Variants in CLIP4 observed in about 807,000 individuals in gnomAD.
CLIP4 encodes CAP-Gly domain-containing linker protein 4.
A neutral mutation model predicts 73.1 loss-of-function variants in CLIP4; 47 were observed. The observed-to-expected ratio is 0.64, with a 90% confidence interval of 0.51 to 0.82. The LOEUF (loss-of-function observed/expected upper bound fraction) is 0.82, where lower values mean the gene tolerates loss of function less well. Ranked by LOEUF, CLIP4 falls within the 40% of genes least tolerant of loss-of-function variation. The pLI is 0.00. For missense variants in CLIP4, 874 were observed against 852.9 expected (o/e 1.02, Z -0.31); for synonymous variants, 306 against 295.4 (o/e 1.04, Z -0.37).
At chr2:29,105,769 T>A (rs1171722232) in intron 1 of CLIP4, among the ~76,000 whole-genome samples, 1 of 152,224 alleles carries the variant, frequency 6.6e-6, no homozygotes, top group Non-Finnish European at 1.5e-5. Context: ...GAGCTCCTTT[T>A]TCCTTCCCCC....
intron 2 of CLIP4, among the ~76,000 whole-genome samples, chr2:29,126,151 C>T (rs1003425351): frequency 6.6e-6 from 1 of 152,098 alleles, no homozygotes; most frequent in Non-Finnish European, 1.5e-5. Context: ...GGCCACTGCA[C>T]GCCAGCCTGG....
chr2:29,152,500 G>C (rs186955843), intron 8 of CLIP4, among the ~76,000 whole-genome samples, 185 bp from the exon 9 acceptor site: 1 of 152,210 alleles, frequency 6.6e-6, no homozygotes, highest in Non-Finnish European at 1.5e-5. Context: ...TGTTAGTCTT[G>C]AAAACTAGAT....
intron 10 of CLIP4, 53 bp from the exon 11 acceptor site, chr2:29,157,151 T>G: frequency 6.6e-7 from 1 of 1,520,456 alleles, no homozygotes; most frequent in South Asian, 1.1e-5. Context: ...ACAAGCTGCT[T>G]CTTGGTCCAC....
At chr2:29,168,548 A>T (rs2148079220) in intron 14 of CLIP4, among the ~76,000 whole-genome samples, 1 of 98,916 alleles carries the variant, frequency 1.0e-5, no homozygotes, top group Non-Finnish European at 1.8e-5. Context: ...TTTTGAGACG[A>T]GTCTCTCTCT....
chr2:29,145,242 T>A lies in CLIP4; in HGVS notation c.896T>A (p.Leu299Ter). 1 of 1,613,512 alleles carries A rather than the reference T, an allele frequency of 6.2e-7. No individual in the cohort carries two copies. Among genetic ancestry groups the A allele is most frequent in the Non-Finnish European group, 8.5e-7 (1 of 1,179,750 alleles). ...TTATATTTTCTTTAGGTTGGTACAT[T>A]AAGATTTTGTGGAACAACTGAATTT... ...VVIAGQKVGT[L>*]RFCGTTEFAS... Residue 299 changes from leucine to a stop codon, truncating the protein, a stop_gained, in exon 8 of 16, where the codon TTA (leucine) becomes TAA (stop). Coordinates refer to ENST00000320081, the MANE Select transcript of CLIP4 (RefSeq NM_024692.6). LOFTEE classifies it high-confidence loss of function.
chr2:29,183,676 G>A lies in CLIP4; in HGVS notation c.*1783G>A, dbSNP rs932761142. 11 of 152,580 alleles carry A rather than the reference G, an allele frequency of 7.2e-5. No individual in the cohort carries two copies. Among genetic ancestry groups the A allele is most frequent in the African/African-American group, 2.7e-4 (11 of 41,442 alleles). 9.5% of individuals were successfully genotyped at this position (152,580 alleles called of 1,614,324 possible). ...TTTATATTTAGATGAGGATGATTGA[G>A]TCCATATACTATGTATGTTTACATA... On this transcript the variant is annotated 3_prime_UTR_variant, in exon 16 of 16. Transcript: ENST00000320081.
chr2:29,135,540 A>C lies in CLIP4; in HGVS notation c.530-8A>C, dbSNP rs778409129. The C allele has an allele frequency of 8.2e-6, 13 of 1,586,616 alleles. No individual in the cohort carries two copies. Among genetic ancestry groups the C allele is most frequent in the Non-Finnish European group, 1.1e-5 (13 of 1,161,976 alleles). ...TTTAGTTAATATACTTATGATGTTTAATTGCAGATGTGGATGCCACTTGCA... is the reference window on the plus strand; with the variant it reads ...TTTAGTTAATATACTTATGATGTTTCATTGCAGATGTGGATGCCACTTGCA... On this transcript the variant is annotated splice_region_variant and splice_polypyrimidine_tract_variant and intron_variant, in intron 5 of 15. Transcript: ENST00000320081.
At chr2:29,115,130 C>G (rs1668508104), upstream of CLIP4, 1 of 152,464 alleles carries the variant, frequency 6.6e-6, no homozygotes, top group African/African-American at 2.4e-5. This position sits in a 1 kb window ranked among gnomAD's most constrained non-coding sequence, Gnocchi z 5.1. Context: ...CTCGGCTGGA[C>G]TCTGGGGAGC....
At chr2:29,142,600 C>T (rs1665850956) in intron 6 of CLIP4, among the ~76,000 whole-genome samples, 1 of 152,142 alleles carries the variant, frequency 6.6e-6, no homozygotes, top group African/African-American at 2.4e-5. Context: ...CATCTAATAA[C>T]ATATCTTCTT....
At chr2:29,177,490 A>G (rs1573049910) in intron 15 of CLIP4, among the ~76,000 whole-genome samples, 1 of 151,452 alleles carries the variant, frequency 6.6e-6, no homozygotes. Flanking sequence ...CTGAGGCAGG[A>G]GGATCACTTG....
intron 6 of CLIP4, among the ~76,000 whole-genome samples, chr2:29,138,964 T>A (rs2147976553): frequency 6.6e-6 from 1 of 152,308 alleles, no homozygotes; most frequent in South Asian, 2.1e-4. Context: ...TAATTTGACC[T>A]CCTCTTTTCC....
chr2:29,101,969 T>C (rs956465572), intron 1 of CLIP4, among the ~76,000 whole-genome samples: 1 of 152,124 alleles, frequency 6.6e-6, no homozygotes, highest in Non-Finnish European at 1.5e-5. Flanking sequence ...TGTGTGCACA[T>C]AGGAGGAAAG....
chr2:29,129,209 AC>A (rs1056751819), intron 2 of CLIP4, among the ~76,000 whole-genome samples: 7 of 152,202 alleles, frequency 4.6e-5, no homozygotes, highest in African/African-American at 1.7e-4. Context: ...TAGTAGACCT[AC>A]ATAGAATCAA....
chr2:29,180,251 G>A (rs886604625), intron 15 of CLIP4, among the ~76,000 whole-genome samples: 3 of 152,240 alleles, frequency 2.0e-5, no homozygotes, highest in East Asian at 3.9e-4. Flanking sequence ...TCAGCTCAGG[G>A]AGCGACAAGA....
At position 29,105,947 on chromosome 2, in the gene CLIP4, C is replaced by G. The variant is rs150831337; in HGVS notation, c.-16+8000C>G. Among the ~76,000 whole-genome samples, 115 of 152,290 alleles carry G rather than the reference C, an allele frequency of 7.6e-4. 1 individual carries two copies. The East Asian group carries it at 0.02, about 27-fold the overall frequency. ...TGTCTATGGCATTCCATGACAGCAG[C>G]CTGAAAGGACTGACACAGGCTCTTC... On this transcript the variant is annotated intron_variant, in intron 1 of 14. Transcript: ENST00000401605.
intron 15 of CLIP4, chr2:29,175,528 G>T (rs1158982803): frequency 1.3e-5 from 2 of 152,218 alleles, no homozygotes; most frequent in African/African-American, 2.4e-5. Flanking sequence ...CGAGATGTTG[G>T]TGAGTGGAAG....
At chr2:29,117,917 A>G (rs1663977439) in intron 1 of CLIP4, among the ~76,000 whole-genome samples, 1 of 152,224 alleles carries the variant, frequency 6.6e-6, no homozygotes, top group African/African-American at 2.4e-5. Context: ...AAATGCATAA[A>G]TAGCTTTTTC....
chr2:29,115,866 C>T lies in CLIP4; in HGVS notation c.-16+201C>T, dbSNP rs1399293214. Among the ~76,000 whole-genome samples, 1 of 151,874 alleles carries T rather than the reference C, an allele frequency of 6.6e-6. No individual in the cohort carries two copies. The highest frequency in any genetic ancestry group is 2.4e-5 in the African/African-American group (1 of 41,400). The stretch of plus-strand genomic sequence containing the variant: ...TGGCCGCGGGGAGGCCTTCTCGGGG[C>T]GGAGCGGCCCACCCGGCGGGGATGG... On this transcript the variant is annotated intron_variant, in intron 1 of 15. Coordinates refer to ENST00000320081, the MANE Select transcript of CLIP4 (RefSeq NM_024692.6). The surrounding 1 kb of genome is among the most constrained non-coding windows in gnomAD (Gnocchi z 5.1).
intron 13 of CLIP4, among the ~76,000 whole-genome samples, chr2:29,166,500 C>T (rs573727738): frequency 2.0e-5 from 3 of 150,462 alleles, no homozygotes; most frequent in Non-Finnish European, 4.4e-5. Flanking sequence ...TAGGAAAACT[C>T]ACTGACTAGG....
Sources: allele counts gnomAD v4.1 joint callset (sites outside exome capture counted in the v4.1 genomes callset), GRCh38; gene constraint gnomAD v4.1.1; non-coding constraint Gnocchi (gnomAD v3.1); transcripts MANE v1.5; gene names NCBI Gene and HGNC (gene_info 2026-07-23, HGNC 2026-07-21).